Variants in SHC4 observed in about 807,000 individuals in gnomAD.
SHC4 encodes the protein SHC-transforming protein 4.
SHC4 carries 41 observed loss-of-function variants against 69.4 expected under a neutral mutation model. That is an observed-to-expected ratio of 0.59 (90% CI 0.46 to 0.77). The LOEUF (loss-of-function observed/expected upper bound fraction) is 0.77. SHC4 is among the 30% of genes least tolerant of loss of function. The pLI is 0.00. For missense variants in SHC4, 777 were observed against 783.8 expected, an observed-to-expected ratio of 0.99 and a Z score of 0.10; for synonymous variants, 318 against 299.3, an observed-to-expected ratio of 1.06 and a Z score of -0.64.
At chr15:48,954,599 A>G (rs1479305416) in intron 1 of SHC4, among the ~76,000 whole-genome samples, 1 of 152,222 alleles carries the variant, frequency 6.6e-6, no homozygotes, top group Non-Finnish European at 1.5e-5. Flanking sequence ...CTAGCGGATA[A>G]ACATTAGGCA....
At chr15:48,900,908 C>G (rs1182317585) in intron 2 of SHC4, among the ~76,000 whole-genome samples, 1 of 152,170 alleles carries the variant, frequency 6.6e-6, no homozygotes, top group Non-Finnish European at 1.5e-5. Flanking sequence ...CAGCAGTTGG[C>G]AAACTTTTTC....
intron 6 of SHC4, among the ~76,000 whole-genome samples, chr15:48,858,024 T>C (rs965950887): frequency 1.3e-5 from 2 of 152,184 alleles, no homozygotes; most frequent in African/African-American, 4.8e-5. Flanking sequence ...CATCAAAATA[T>C]ATCCAACACT....
intron 4 of SHC4, chr15:48,878,249 G>A (rs1899860756): frequency 6.2e-7 from 1 of 1,611,846 alleles, no homozygotes; most frequent in Non-Finnish European, 8.5e-7. Flanking sequence ...GATGCCTGGC[G>A]AGGGTGACCT....
intron 1 of SHC4, among the ~76,000 whole-genome samples, chr15:48,959,851 A>G (rs1328133327): frequency 6.6e-6 from 1 of 152,230 alleles, no homozygotes; most frequent in African/African-American, 2.4e-5. Flanking sequence ...TGTGGTGAAG[A>G]CAGATAAGAA....
intron 9 of SHC4, 147 bp from the exon 10 acceptor site, chr15:48,843,735 G>A (rs558506286): frequency 6.5e-5 from 48 of 740,914 alleles, no homozygotes; most frequent in Non-Finnish European, 9.4e-5. Context: ...GGTTTGACTT[G>A]GAAAATCAAA....
intron 1 of SHC4, among the ~76,000 whole-genome samples, chr15:48,933,060 T>C (rs922392045): frequency 6.6e-6 from 1 of 152,138 alleles, no homozygotes; most frequent in Non-Finnish European, 1.5e-5. Flanking sequence ...AAAAACTCAG[T>C]GCTTAATAAT....
intron 1 of SHC4, among the ~76,000 whole-genome samples, chr15:48,948,291 G>C (rs1225482590): frequency 6.6e-6 from 1 of 152,218 alleles, no homozygotes; most frequent in Non-Finnish European, 1.5e-5. Flanking sequence ...TGTAAAATGG[G>C]CTCATTGATT....
chr15:48,834,861 G>T lies in SHC4; in HGVS notation c.1645C>A (p.Arg549=), dbSNP rs147123789. ...LLVKDGDFLV[R]ESATSPGQYV... Reference sequence around the variant, plus strand: ...TGGCCAGGGGATGTTGCACTCTCTCGAACCAAAAAGTCCCCATCCTTTACC... The same window carrying T: ...TGGCCAGGGGATGTTGCACTCTCTCTAACCAAAAAGTCCCCATCCTTTACC... The change falls in exon 11 of 12, where the codon CGA becomes AGA. Residue 549 remains arginine, a synonymous_variant. Coordinates refer to ENST00000332408, the MANE Select transcript of SHC4 (RefSeq NM_203349.4). 1.2e-6 allele frequency: 2 copies of T among 1,613,956 alleles called. No individual in the cohort carries two copies. The highest frequency in any genetic ancestry group is 2.7e-5 in the African/African-American group (2 of 74,890).
At chr15:48,929,628 A>G (rs11855420) in intron 1 of SHC4, among the ~76,000 whole-genome samples, 1 of 152,138 alleles carries the variant, frequency 6.6e-6, no homozygotes, top group Non-Finnish European at 1.5e-5. Flanking sequence ...TGGTCTACCC[A>G]GGAACACGGT....
intron 2 of SHC4, among the ~76,000 whole-genome samples, chr15:48,917,007 T>A (rs539168853): frequency 2.0e-5 from 3 of 152,200 alleles, no homozygotes; most frequent in Non-Finnish European, 2.9e-5. Context: ...TTTCCTTGGG[T>A]ATCAAAATGT....
chr15:48,963,282 G>A lies in SHC4; in HGVS notation c.-267C>T, dbSNP rs1376463040. The A allele has an allele frequency of 2.2e-5, 9 of 409,496 alleles. No individual in the cohort carries two copies. Among genetic ancestry groups the A allele is most frequent in the Non-Finnish European group, 3.5e-5 (8 of 230,758 alleles). 25.4% of individuals were successfully genotyped at this position (409,496 alleles called of 1,614,324 possible). A position where few individuals can be genotyped will look rare whatever the true frequency, so the allele number is the denominator to read the frequency against. On this transcript the variant is annotated 5_prime_UTR_variant, in exon 1 of 12. Transcript: ENST00000332408. The stretch of plus-strand genomic sequence containing the variant: ...TCGCCTTGGAATCCTTGTCGGGAGA[G>A]CCTAGACCCAGGCTCCCGGCGGCGC...
At chr15:48,851,162 C>T (rs772063050) in intron 9 of SHC4, 26 bp downstream of exon 9, 1 of 1,610,758 alleles carries the variant, frequency 6.2e-7, no homozygotes, top group Non-Finnish European at 8.5e-7. Context: ...AGGAGGGTGG[C>T]AGATGGAGAA....
At chr15:48,877,330 TA>T (rs1163647036) in intron 4 of SHC4, 2 of 692,964 alleles carry the variant, frequency 2.9e-6, no homozygotes, top group South Asian at 1.2e-4. Flanking sequence ...TAATTCTACA[TA>T]ACTATAATGT....
intron 1 of SHC4, among the ~76,000 whole-genome samples, chr15:48,949,112 C>T (rs935719997): frequency 6.6e-6 from 1 of 152,142 alleles, no homozygotes; most frequent in African/African-American, 2.4e-5. Flanking sequence ...TGGCTCACGC[C>T]TGTAATCCCA....
intron 1 of SHC4, among the ~76,000 whole-genome samples, chr15:48,954,005 G>A (rs1388936335): frequency 6.6e-6 from 1 of 152,212 alleles, no homozygotes; most frequent in Non-Finnish European, 1.5e-5. Context: ...TCGATTTACA[G>A]GAATCACTGA....
At chr15:48,851,066 T>G in intron 9 of SHC4, 122 bp downstream of exon 9, 1 of 839,862 alleles carries the variant, frequency 1.2e-6, no homozygotes, top group Non-Finnish European at 1.9e-6. Context: ...AGTCAAAGGA[T>G]TATGTGTTTA....
At chr15:48,828,447 T>C (rs967317227) in intron 11 of SHC4, among the ~76,000 whole-genome samples, 1 of 152,222 alleles carries the variant, frequency 6.6e-6, no homozygotes, top group Non-Finnish European at 1.5e-5. Flanking sequence ...TTGTGAATAA[T>C]GCTGCAATAA....
intron 1 of SHC4, among the ~76,000 whole-genome samples, chr15:48,932,901 G>A (rs1287747885): frequency 2.0e-5 from 3 of 152,102 alleles, no homozygotes; most frequent in African/African-American, 7.2e-5. Flanking sequence ...CTTGAGATGA[G>A]CAAGTAAGAT....
At chr15:48,839,457 A>G (rs186942755) in intron 10 of SHC4, among the ~76,000 whole-genome samples, 1 of 152,180 alleles carries the variant, frequency 6.6e-6, no homozygotes, top group East Asian at 1.9e-4. Context: ...AACAACCCAG[A>G]TGGCATCATC....
Sources: allele counts gnomAD v4.1 joint callset (sites outside exome capture counted in the v4.1 genomes callset), GRCh38; gene constraint gnomAD v4.1.1; transcripts MANE v1.5; gene names NCBI Gene and HGNC (gene_info 2026-07-23, HGNC 2026-07-21).